ESR1: variants seen among roughly 807,000 people sequenced by gnomAD.
ESR1 encodes estrogen receptor 1, also known as estrogen receptor.
A neutral mutation model predicts 52.7 loss-of-function variants in ESR1; 12 were observed. That is an observed-to-expected ratio of 0.23 (90% CI 0.15 to 0.37). The LOEUF (loss-of-function observed/expected upper bound fraction) is 0.37. ESR1 is among the 10% of genes least tolerant of loss of function. The probability of loss-of-function intolerance (pLI) is 1.00; values close to 1 mark genes in which losing one functional copy is unlikely to be tolerated. For synonymous variants in ESR1, 305 were observed against 316.8 expected, an observed-to-expected ratio of 0.96 and a Z score of 0.39; for missense variants, 584 against 779.7, an observed-to-expected ratio of 0.75 and a Z score of 2.99.
At chr6:151,853,912 A>G (rs1335200362) in intron 2 of ESR1, among the ~76,000 whole-genome samples, 2 of 152,186 alleles carry the variant, frequency 1.3e-5, no homozygotes, top group African/African-American at 4.8e-5. Flanking sequence ...CAGTGGCAAT[A>G]ATTTCCCATA....
At chr6:151,662,609 C>T (rs939695898) in intron 1 of ESR1, among the ~76,000 whole-genome samples, 3 of 152,052 alleles carry the variant, frequency 2.0e-5, no homozygotes, top group Admixed American at 6.5e-5. Flanking sequence ...ATCCACAGGG[C>T]GTGAGATGAA....
At chr6:151,721,911 T>C (rs979799326) in intron 2 of ESR1, among the ~76,000 whole-genome samples, 2 of 152,230 alleles carry the variant, frequency 1.3e-5, no homozygotes, top group African/African-American at 4.8e-5. Flanking sequence ...TGGATGTACA[T>C]GCCAAATATG....
At chr6:151,925,344 C>T (rs992130280) in intron 3 of ESR1, among the ~76,000 whole-genome samples, 33 of 152,272 alleles carry the variant, frequency 2.2e-4, no homozygotes, top group Middle Eastern at 6.8e-3. Flanking sequence ...CAGTGGCTCA[C>T]GCCTGTAATC....
intron 5 of ESR1, among the ~76,000 whole-genome samples, chr6:152,038,325 A>G (rs1487506975): frequency 6.6e-6 from 1 of 152,188 alleles, no homozygotes; most frequent in East Asian, 1.9e-4. Context: ...TCCATCTTCC[A>G]GTTCACTGAC....
At chr6:152,058,744 T>G (rs904278675) in intron 5 of ESR1, among the ~76,000 whole-genome samples, 7 of 152,154 alleles carry the variant, frequency 4.6e-5, no homozygotes, top group African/African-American at 1.7e-4. Context: ...CTTGGTACTC[T>G]AGTGTTGAGC....
intron 5 of ESR1, among the ~76,000 whole-genome samples, chr6:152,019,229 C>T (rs995835616): frequency 7.9e-5 from 12 of 152,072 alleles, no homozygotes; most frequent in African/African-American, 2.9e-4. Context: ...TTAAATGGGC[C>T]AATTCAATGA....
intron 6 of ESR1, among the ~76,000 whole-genome samples, chr6:152,091,080 A>G (rs1281114904): frequency 6.6e-6 from 1 of 152,220 alleles, no homozygotes; most frequent in East Asian, 1.9e-4. Context: ...TGCTGGGCAC[A>G]GTGGTGTGGC....
intron 4 of ESR1, among the ~76,000 whole-genome samples, chr6:151,962,654 A>G (rs2037805717): frequency 6.6e-6 from 1 of 152,224 alleles, no homozygotes; most frequent in Non-Finnish European, 1.5e-5. Context: ...ACAGCCCCCT[A>G]TCTCGCCCAA....
chr6:152,100,202 G>A lies in ESR1; in HGVS notation c.*1236G>A. 1 of 397,020 alleles carries A rather than the reference G, an allele frequency of 2.5e-6. No individual in the cohort carries two copies. The highest frequency in any genetic ancestry group is 4.4e-6 in the Non-Finnish European group (1 of 225,442). 24.6% of individuals were successfully genotyped at this position (397,020 alleles called of 1,614,324 possible). On this transcript the variant is annotated 3_prime_UTR_variant, in exon 8 of 8. Coordinates refer to ENST00000206249, the MANE Select transcript of ESR1 (RefSeq NM_000125.4). ...CAGCTCTTCTTCATTTCCCAGCGTG[G>A]CCCTGGTTGGAAGAAGCAGCTGTCA...
chr6:151,980,939 T>C (rs1343544978), intron 4 of ESR1, among the ~76,000 whole-genome samples: 2 of 152,194 alleles, frequency 1.3e-5, no homozygotes, highest in Admixed American at 1.3e-4. Context: ...CCTGACCTTG[T>C]GGTCCACCCG....
At chr6:152,010,268 G>A (rs373859873) in intron 4 of ESR1, among the ~76,000 whole-genome samples, 1 of 152,112 alleles carries the variant, frequency 6.6e-6, no homozygotes, top group East Asian at 1.9e-4. Context: ...ACCCCAAGAA[G>A]AAACATCCTG....
At chr6:151,723,818 C>T (rs991488648) in intron 2 of ESR1, among the ~76,000 whole-genome samples, 3 of 151,982 alleles carry the variant, frequency 2.0e-5, no homozygotes, top group African/African-American at 4.8e-5. Context: ...TGCAGTGAGC[C>T]GAGATCATGC....
At chr6:151,707,760 G>A (rs148808501) in intron 2 of ESR1, among the ~76,000 whole-genome samples, 115 of 151,994 alleles carry the variant, frequency 7.6e-4, no homozygotes, top group African/African-American at 2.7e-3. Flanking sequence ...TATTGTAGAA[G>A]TTCTCTTTAA....
chr6:151,740,150 G>T (rs539140346), intron 2 of ESR1, among the ~76,000 whole-genome samples: 71 of 151,618 alleles, frequency 4.7e-4, no homozygotes, highest in Admixed American at 2.0e-3. Flanking sequence ...AGTCTTACTA[G>T]CTCTGTCACC....
intron 2 of ESR1, among the ~76,000 whole-genome samples, chr6:151,721,262 T>C (rs1301137412): frequency 9.8e-5 from 15 of 152,310 alleles, no homozygotes. Context: ...GGTAACAAGA[T>C]AGGACTTGGC....
chr6:151,756,207 C>G (rs1050143950), intron 2 of ESR1, among the ~76,000 whole-genome samples: 2 of 152,136 alleles, frequency 1.3e-5, no homozygotes, highest in African/African-American at 2.4e-5. Context: ...TCCCTCCTCC[C>G]CATGTACATT....
intron 1 of ESR1, among the ~76,000 whole-genome samples, chr6:151,695,633 T>C (rs1399252070): frequency 6.6e-6 from 1 of 152,208 alleles, no homozygotes; most frequent in African/African-American, 2.4e-5. Flanking sequence ...CTGCTGTTCA[T>C]AGAAATGGTC....
At chr6:151,723,803 G>T (rs537861501) in intron 2 of ESR1, among the ~76,000 whole-genome samples, 41 of 152,258 alleles carry the variant, frequency 2.7e-4, no homozygotes, top group African/African-American at 9.1e-4. Context: ...CCGGGAGGCC[G>T]AGGTTGCAGT....
intron 2 of ESR1, among the ~76,000 whole-genome samples, chr6:151,854,358 A>T (rs931770050): frequency 6.6e-6 from 1 of 152,194 alleles, no homozygotes; most frequent in Non-Finnish European, 1.5e-5. Context: ...TAAGCGAAAG[A>T]TATGGCTTAC....
Sources: gnomAD v4.1 joint callset for allele counts (sites outside exome capture counted in the v4.1 genomes callset) on GRCh38, gnomAD v4.1.1 for gene constraint, MANE v1.5 for transcripts, NCBI Gene and HGNC (gene_info 2026-07-23, HGNC 2026-07-21) for gene names.